ADGRV1: variants seen among roughly 807,000 people sequenced by gnomAD.
The protein encoded by ADGRV1 is adhesion G protein-coupled receptor V1, also known as G-protein coupled receptor 98.
ADGRV1 carries 359 observed loss-of-function variants against 596.2 expected under a neutral mutation model. The observed-to-expected ratio is 0.60, with a 90% CI of 0.55 to 0.66. The LOEUF is 0.66. ADGRV1 is among the 30% of genes least tolerant of loss of function. ADGRV1 has a pLI of 0.00. For missense variants in ADGRV1, 7,274 were observed against 7,575.6 expected, an observed-to-expected ratio of 0.96 and a Z score of 1.48; for synonymous variants, 2,681 against 2,679.2, an observed-to-expected ratio of 1.00 and a Z score of -0.02.
chr5:90,876,517 T>G (rs2150521850), intron 83 of ADGRV1, among the ~76,000 whole-genome samples: 1 of 152,268 alleles, frequency 6.6e-6, no homozygotes, highest in Admixed American at 6.5e-5. Flanking sequence ...TGTTTTACCA[T>G]TTATTGTTAA....
chr5:90,777,919 C>T lies in ADGRV1; in HGVS notation c.12542C>T (p.Pro4181Leu), dbSNP rs200957385. ...GTAIISLVRG[P>L]GILGEVTVFW... is the part of the protein sequence containing the mutation. Reference sequence around the variant, plus strand: ...TATTGTTGTAGCCTTGTTCGAGGCCCAGGGATTTTGGGGGAGGTCACAGTG... The same window carrying T: ...TATTGTTGTAGCCTTGTTCGAGGCCTAGGGATTTTGGGGGAGGTCACAGTG... Residue 4181 changes from proline (P) to leucine (L), a missense_variant, in exon 62 of 90, where the codon CCA (proline) becomes CTA (leucine). Pro to Leu is a moderately conservative substitution (Grantham distance 98, BLOSUM62 -3). Coordinates refer to ENST00000405460, the MANE Select transcript of ADGRV1 (RefSeq NM_032119.4). 9.3e-5 allele frequency: 149 copies of T among 1,610,732 alleles called. No individual in the cohort carries two copies. The Middle Eastern group carries it at 1.2e-3, about 13-fold the overall frequency.
chr5:90,756,681 G>C (rs1360528930), intron 56 of ADGRV1, 51 bp downstream of exon 56: 5 of 1,446,410 alleles, frequency 3.5e-6, no homozygotes, highest in Non-Finnish European at 4.8e-6. Context: ...TCTCCCTGCT[G>C]ATTTGGCCAG....
chr5:91,072,726 A>C, intron 86 of ADGRV1, 122 bp downstream of exon 86: 1 of 945,770 alleles, frequency 1.1e-6, no homozygotes, highest in African/African-American at 1.6e-5. Flanking sequence ...TGAAGCCACA[A>C]GTTAAGCTAT....
At chr5:90,605,240 C>A (rs571612400) in intron 1 of ADGRV1, among the ~76,000 whole-genome samples, 144 of 152,048 alleles carry the variant, frequency 9.5e-4, no homozygotes, top group African/African-American at 3.4e-3. Context: ...CATGGTGAAA[C>A]CTCGTCTCTA....
intron 83 of ADGRV1, chr5:90,899,215 T>A (rs1163609245): frequency 6.6e-6 from 1 of 152,222 alleles, no homozygotes; most frequent in East Asian, 1.9e-4. Flanking sequence ...TGAAACAGGT[T>A]AACTTCCTGG....
intron 21 of ADGRV1, among the ~76,000 whole-genome samples, chr5:90,667,923 G>C (rs1357123412): frequency 6.6e-6 from 1 of 151,970 alleles, no homozygotes; most frequent in African/African-American, 2.4e-5. Flanking sequence ...AGGCTGCTCG[G>C]GGGTCAGGGG....
chr5:90,854,990 C>T (rs1169138275), intron 81 of ADGRV1, among the ~76,000 whole-genome samples: 4 of 152,086 alleles, frequency 2.6e-5, no homozygotes, highest in South Asian at 2.1e-4. Context: ...AATAGAAATA[C>T]TCTGAAATCT....
Position 90,778,591 on chromosome 5 carries a change from A to C in ADGRV1, c.12831A>C (p.Arg4277=). ...TTGCCTTTTCACATGAGCAACTTCG[A>C]GTGTCAGAAGCACAGAGGGTATAGT... ...GRFAFSHEQL[R]VSEAQRVNIT... is the part of the protein sequence containing the mutation. Residue 4277 remains arginine (R), a synonymous_variant, in exon 63 of 90, where the codon CGA becomes CGC. Coordinates refer to ENST00000405460, the MANE Select transcript of ADGRV1 (RefSeq NM_032119.4). 6.2e-7 allele frequency: 1 copy of C among 1,601,576 alleles called. No homozygotes were observed. The highest frequency in any genetic ancestry group is 1.1e-5 in the South Asian group (1 of 89,166).
At chr5:91,115,545 G>A (rs562452134) in intron 87 of ADGRV1, among the ~76,000 whole-genome samples, 1 of 152,320 alleles carries the variant, frequency 6.6e-6, no homozygotes, top group East Asian at 1.9e-4. Flanking sequence ...TGGAAGTTGA[G>A]TAAGATCTTA....
intron 2 of ADGRV1, among the ~76,000 whole-genome samples, 175 bp downstream of exon 2, chr5:90,615,194 C>T (rs1763216654): frequency 6.6e-6 from 1 of 151,550 alleles, no homozygotes; most frequent in South Asian, 2.1e-4. Flanking sequence ...ATAGAGTGCT[C>T]CAACATAATC....
chr5:90,772,985 T>A (rs896909311), intron 59 of ADGRV1, among the ~76,000 whole-genome samples: 2 of 152,072 alleles, frequency 1.3e-5, no homozygotes, highest in Non-Finnish European at 2.9e-5. Context: ...CTGGCCAACA[T>A]GGCAAACCCC....
chr5:91,105,581 G>C (rs7731652), intron 87 of ADGRV1, among the ~76,000 whole-genome samples: 76,746 of 152,074 alleles, frequency 0.5, 22,294 homozygotes, highest in Non-Finnish European at 0.64. Flanking sequence ...TTTCCCTGAT[G>C]ATTAGTGATG....
chr5:90,578,263 C>G (rs1757505113), intron 1 of ADGRV1, among the ~76,000 whole-genome samples: 1 of 152,096 alleles, frequency 6.6e-6, no homozygotes, highest in Non-Finnish European at 1.5e-5. Flanking sequence ...ATAAATAGCT[C>G]TTATTATTTT....
chr5:91,024,233 T>C (rs767481748), intron 85 of ADGRV1, among the ~76,000 whole-genome samples: 2 of 152,146 alleles, frequency 1.3e-5, no homozygotes, highest in African/African-American at 2.4e-5. Flanking sequence ...TTGGATGACT[T>C]TGAGGCAGAG....
rs1407571278 is a variant in ADGRV1 at position 90,643,789 on chromosome 5, C to T, written c.2554-14C>T. 4.5e-6 allele frequency: 7 copies of T among 1,560,202 alleles called. No homozygotes were observed. Among genetic ancestry groups the T allele is most frequent in the Non-Finnish European group, 6.1e-6 (7 of 1,151,988 alleles). ...CAACTTTATAATTTCCATACTTTGA[C>T]ACATTCACTTTAGTTGGATGAACAC... On this transcript the variant is annotated splice_polypyrimidine_tract_variant and intron_variant, in intron 13 of 89. Coordinates refer to ENST00000405460, the MANE Select transcript of ADGRV1 (RefSeq NM_032119.4).
At chr5:91,060,554 T>C (rs1014391269) in intron 85 of ADGRV1, among the ~76,000 whole-genome samples, 2 of 152,124 alleles carry the variant, frequency 1.3e-5, no homozygotes, top group African/African-American at 4.8e-5. Context: ...AATTGAAAGT[T>C]ACCTTACTAT....
At chr5:90,672,893 A>G in intron 22 of ADGRV1, 171 bp downstream of exon 22, 1 of 541,498 alleles carries the variant, frequency 1.8e-6, no homozygotes, top group Non-Finnish European at 3.2e-6. Flanking sequence ...TAAAACCTTT[A>G]TCAGGTAGAG....
intron 1 of ADGRV1, among the ~76,000 whole-genome samples, chr5:90,582,588 G>T (rs1352818825): frequency 1.3e-5 from 2 of 151,912 alleles, no homozygotes; most frequent in East Asian, 3.9e-4. Flanking sequence ...TTTTAGAGAT[G>T]GGATCTCACT....
intron 23 of ADGRV1, 110 bp downstream of exon 23, chr5:90,674,344 ACCT>A: frequency 1.6e-6 from 1 of 638,378 alleles, no homozygotes. Context: ...ATGCCTTCAG[ACCT>A]CCTAATTTCT....
Sources: gnomAD v4.1 joint callset for allele counts (sites outside exome capture counted in the v4.1 genomes callset) on GRCh38, gnomAD v4.1.1 for gene constraint, MANE v1.5 for transcripts, NCBI Gene and HGNC (gene_info 2026-07-23, HGNC 2026-07-21) for gene names.